Variants in ZC3HAV1L observed in about 807,000 individuals in gnomAD.
The protein encoded by ZC3HAV1L is zinc finger CCCH-type antiviral protein 1-like.
In ZC3HAV1L, 23 loss-of-function variants were observed where a neutral mutation model predicts 28.2. The observed-to-expected ratio is 0.82, with a 90% CI of 0.59 to 1.16. ZC3HAV1L has a LOEUF of 1.16. ZC3HAV1L is among the 50% of genes most tolerant of loss of function. ZC3HAV1L has a pLI of 0.00. For synonymous variants in ZC3HAV1L, 180 were observed against 163.4 expected (o/e 1.10, Z -0.78); for missense variants, 376 against 387.7 (o/e 0.97, Z 0.25).
At chr7:139,024,706 C>T (rs1053857858), downstream of ZC3HAV1L, among the ~76,000 whole-genome samples, 2 of 152,214 alleles carry the variant, frequency 1.3e-5, no homozygotes, top group Non-Finnish European at 2.9e-5. Flanking sequence ...TTTGCTTTTT[C>T]CCTCAATTGA....
intron 2 of ZC3HAV1L, among the ~76,000 whole-genome samples, chr7:139,032,261 G>A (rs1815556472): frequency 6.6e-6 from 1 of 152,140 alleles, no homozygotes; most frequent in African/African-American, 2.4e-5. Context: ...ATAGGGATAT[G>A]TAGGTCGAAG....
chr7:139,034,881 T>C, intron 1 of ZC3HAV1L: 1 of 985,450 alleles, frequency 1.0e-6, no homozygotes, highest in Non-Finnish European at 1.2e-6. Context: ...GTCATTTGAA[T>C]TTTCAGTAGG....
Position 139,034,371 on chromosome 7 carries a change from C to T in ZC3HAV1L, c.501+172G>A, listed in dbSNP as rs139520371. On this transcript the variant is annotated intron_variant, in intron 2 of 4. Transcript: ENST00000275766. The stretch of plus-strand genomic sequence containing the variant: ...TTCTTTGTGTATGGCTAAACTGAAA[C>T]AAACGTACTATTTCGCCATGATAGC... Among the ~76,000 whole-genome samples the T allele has an allele frequency of 3.9e-5, 6 of 152,290 alleles. No homozygotes were observed. In the East Asian group the frequency reaches 1.2e-3, roughly 29 times the overall value.
chr7:139,022,394 A>T (rs1384570521), downstream of ZC3HAV1L: 1 of 437,468 alleles, frequency 2.3e-6, no homozygotes. Context: ...AAACCTAAAA[A>T]GATTAGCTGA....
At chr7:139,029,060 T>C in intron 2 of ZC3HAV1L, 100 bp from the exon 3 acceptor site, 1 of 1,383,510 alleles carries the variant, frequency 7.2e-7, no homozygotes, top group Non-Finnish European at 9.6e-7. Flanking sequence ...TGGAGTACAG[T>C]GGCACCATCT....
intron 2 of ZC3HAV1L, chr7:139,034,052 T>G (rs1007639587): frequency 6.1e-6 from 6 of 985,468 alleles, no homozygotes; most frequent in Non-Finnish European, 7.2e-6. Context: ...GTACAGATTC[T>G]GCTGCCTTGA....
intron 4 of ZC3HAV1L, 60 bp from the exon 5 acceptor site, chr7:139,026,620 C>T: frequency 6.2e-7 from 1 of 1,612,490 alleles, no homozygotes. Flanking sequence ...TGAATGGTTA[C>T]AAATTAAAGC....
At chr7:139,027,610 G>A (rs748089714) in intron 3 of ZC3HAV1L, among the ~76,000 whole-genome samples, 4 of 152,288 alleles carry the variant, frequency 2.6e-5, no homozygotes, top group Non-Finnish European at 5.9e-5. Context: ...CCAGGAGTTC[G>A]AGGCTGCAGT....
At chr7:139,032,795 G>A (rs1030894569) in intron 2 of ZC3HAV1L, among the ~76,000 whole-genome samples, 1 of 151,900 alleles carries the variant, frequency 6.6e-6, no homozygotes, top group Non-Finnish European at 1.5e-5. Context: ...CTTAATCATT[G>A]CAATCAATTC....
At chr7:139,022,835 A>G (rs1031546096), downstream of ZC3HAV1L, among the ~76,000 whole-genome samples, 5 of 152,202 alleles carry the variant, frequency 3.3e-5, no homozygotes, top group Admixed American at 6.5e-5. Flanking sequence ...GAAGAATCCA[A>G]TTTTGCTAGG....
chr7:139,025,597 T>C (rs1196084069), downstream of ZC3HAV1L: 3 of 152,092 alleles, frequency 2.0e-5, no homozygotes, highest in Non-Finnish European at 2.9e-5. Context: ...TCATGAAAAT[T>C]TGAGGCCTCG....
chr7:139,035,181 A>T, intron 1 of ZC3HAV1L: 4 of 985,398 alleles, frequency 4.1e-6, no homozygotes, highest in Non-Finnish European at 4.8e-6. Context: ...TCCTGGGGTG[A>T]GACTGGCTCA....
In ZC3HAV1L at chr7:139,028,644, G is replaced by A. The variant is rs1320781241; in HGVS notation, c.760+58C>T. 7.6e-6 allele frequency: 12 copies of A among 1,569,772 alleles called. No individual in the cohort carries two copies. The East Asian group carries it at 2.0e-4, about 27-fold the overall frequency. ...ATGTCACTGTTCTTACTTCTTCACA[G>A]TGAAGCATCGCAAAACCATATCGCT... is the stretch of plus-strand genomic sequence containing the variant. On this transcript the variant is annotated intron_variant, in intron 3 of 4. Transcript: ENST00000275766.
intron 1 of ZC3HAV1L, chr7:139,035,157 C>T: frequency 1.0e-6 from 1 of 985,472 alleles, no homozygotes; most frequent in Non-Finnish European, 1.2e-6. Flanking sequence ...TCACCCAAGC[C>T]ATCCAGCCCT....
downstream of ZC3HAV1L, among the ~76,000 whole-genome samples, chr7:139,025,339 T>C (rs1815325294): frequency 6.6e-6 from 1 of 151,830 alleles, no homozygotes; most frequent in Non-Finnish European, 1.5e-5. Context: ...CCTCAGCTAC[T>C]TGGGAGGCTG....
rs368209292 is a variant in ZC3HAV1L, at chr7:139,026,832, A to C, written c.762T>G (p.Asp254Glu). 5.2e-5 allele frequency: 84 copies of C among 1,609,162 alleles called. No homozygotes were observed. In the East Asian group the frequency reaches 1.6e-3, roughly 30 times the overall value. The change falls in exon 4 of 5, where the codon GAT becomes GAG. Residue 254 changes from aspartate (D) to glutamate (E), a missense_variant and splice_region_variant. By Grantham distance (45) the Asp-to-Glu change is conservative. Coordinates refer to ENST00000275766, the MANE Select transcript of ZC3HAV1L (RefSeq NM_080660.4). ...AATGCTCAGTCGAAGGTGATGAATTATCTACAAAGAGGAAAGGGATAAGTT... is the reference window on the plus strand; with the variant it reads ...AATGCTCAGTCGAAGGTGATGAATTCTCTACAAAGAGGAAAGGGATAAGTT... ...MKLHKMLENT[D>E]NSSPSTEHSQ...
At chr7:139,033,664 G>A (rs967049239) in intron 2 of ZC3HAV1L, 38 of 945,336 alleles carry the variant, frequency 4.0e-5, no homozygotes, top group Non-Finnish European at 4.8e-5. Context: ...GGTGAGGCTG[G>A]GCCCAAGATA....
chr7:139,032,632 GAAAT>G (rs1000867427), intron 2 of ZC3HAV1L, among the ~76,000 whole-genome samples: 61 of 141,712 alleles, frequency 4.3e-4, no homozygotes, highest in African/African-American at 1.5e-3. Flanking sequence ...CAAAAAAAAA[GAAAT>G]AAATAAAATA....
At chr7:139,034,718 A>G (rs1815646358) in intron 1 of ZC3HAV1L, 40 bp from the exon 2 acceptor site, 1 of 1,611,792 alleles carries the variant, frequency 6.2e-7, no homozygotes, top group Non-Finnish European at 8.5e-7. Flanking sequence ...CCAGGTGAAG[A>G]AGGACCAGTC....
Sources: allele counts gnomAD v4.1 joint callset (sites outside exome capture counted in the v4.1 genomes callset), GRCh38; gene constraint gnomAD v4.1.1; transcripts MANE v1.5; gene names NCBI Gene and HGNC (gene_info 2026-07-23, HGNC 2026-07-21).